Variants in SOX30 observed in about 807,000 individuals in gnomAD.
The protein encoded by SOX30 is transcription factor SOX-30.
A neutral mutation model predicts 58.6 loss-of-function variants in SOX30; 17 were observed. The observed-to-expected ratio is 0.29, with a 90% CI of 0.20 to 0.44. The LOEUF is 0.44. SOX30 is among the 20% of genes least tolerant of loss of function. The pLI, the probability that SOX30 is intolerant of heterozygous loss-of-function variation, is 1.00. For missense variants in SOX30, 951 were observed against 965.8 expected (o/e 0.98, Z 0.20); for synonymous variants, 421 against 400.2 (o/e 1.05, Z -0.62).
intron 2 of SOX30, among the ~76,000 whole-genome samples, chr5:157,661,217 T>C (rs543630815): frequency 1.6e-4 from 24 of 152,360 alleles, no homozygotes; most frequent in Non-Finnish European, 2.5e-4. Flanking sequence ...CACCCAGTCT[T>C]AGGAAGAAAG....
At chr5:157,632,558 C>T (rs1221638683) in intron 4 of SOX30, among the ~76,000 whole-genome samples, 1 of 151,524 alleles carries the variant, frequency 6.6e-6, no homozygotes, top group African/African-American at 2.4e-5. Flanking sequence ...TGCAGTGAGC[C>T]GAGATCGTGG....
At chr5:157,663,915 G>A (rs1759620738) in intron 2 of SOX30, among the ~76,000 whole-genome samples, 1 of 152,040 alleles carries the variant, frequency 6.6e-6, no homozygotes, top group Admixed American at 6.6e-5. Flanking sequence ...CCTCTTTAAG[G>A]AGAACTACAA....
intron 4 of SOX30, among the ~76,000 whole-genome samples, chr5:157,633,441 T>TG (rs1204762693): frequency 6.6e-6 from 1 of 152,276 alleles, no homozygotes; most frequent in African/African-American, 2.4e-5. Context: ...TGGCACATGG[T>TG]GAGTTCCTTG....
intron 4 of SOX30, among the ~76,000 whole-genome samples, chr5:157,629,146 T>C (rs1758729953): frequency 6.6e-6 from 1 of 152,198 alleles, no homozygotes; most frequent in Admixed American, 6.5e-5. Context: ...AAAGTAGCTA[T>C]AAGAGAGGAC....
chr5:157,643,101 GACAACAACAACA>G (rs200189852), intron 3 of SOX30, among the ~76,000 whole-genome samples: 2 of 149,826 alleles, frequency 1.3e-5, no homozygotes, highest in Non-Finnish European at 3.0e-5. Flanking sequence ...GAAGAAAACG[GACAACAACAACA>G]ACAACAACAA....
At chr5:157,631,839 T>G (rs928661705) in intron 4 of SOX30, among the ~76,000 whole-genome samples, 5 of 150,246 alleles carry the variant, frequency 3.3e-5, no homozygotes, top group Admixed American at 2.0e-4. Flanking sequence ...GCCAGGAGTT[T>G]GAAAACAGCC....
chr5:157,646,395 C>G (rs1168713947), intron 3 of SOX30, among the ~76,000 whole-genome samples: 1 of 152,146 alleles, frequency 6.6e-6, no homozygotes, highest in Non-Finnish European at 1.5e-5. Context: ...TGGGCTCATC[C>G]TGATTTGCTT....
chr5:157,635,516 C>T (rs886919654), intron 4 of SOX30, among the ~76,000 whole-genome samples: 5 of 151,778 alleles, frequency 3.3e-5, no homozygotes, highest in South Asian at 2.1e-4. Context: ...CCCAGCTACT[C>T]GGGAGGCTGA....
At chr5:157,666,478 GACACACACACACAC>G (rs375835461) in intron 2 of SOX30, among the ~76,000 whole-genome samples, 3,441 of 132,518 alleles carry the variant, frequency 0.026, 110 homozygotes, top group African/African-American at 0.076. Flanking sequence ...TAGTCCAGTA[GACACACACACACAC>G]ACACACACAC....
In SOX30 at chr5:157,630,848, ATATAT is replaced by A. The variant is rs1246182038; in HGVS notation, c.1881-4132_1881-4128del. ...TCCCATTTATATATATACATTATAT[ATATAT>A]TATATATTTTTATATATATATATAC... is the stretch of plus-strand genomic sequence containing the variant. On this transcript the variant is annotated intron_variant, in intron 4 of 4. Coordinates refer to ENST00000265007, the MANE Select transcript of SOX30 (RefSeq NM_178424.2). Among the ~76,000 whole-genome samples the A allele has an allele frequency of 3.2e-5, 4 of 126,214 alleles. No homozygotes were observed. The South Asian group carries it at 9.1e-4, about 29-fold the overall frequency. The allele number at this position is 126,214 out of a possible 152,430, so 82.8% of individuals were successfully genotyped here.
At chr5:157,628,997 C>A (rs1024796046) in intron 4 of SOX30, among the ~76,000 whole-genome samples, 12 of 152,138 alleles carry the variant, frequency 7.9e-5, no homozygotes, top group Non-Finnish European at 1.8e-4. Flanking sequence ...TCTCTCTATC[C>A]ATTGAATTCC....
Position 157,651,486 on chromosome 5 carries a change from C to T in SOX30, c.593G>A (p.Gly198Asp). 1 of 1,613,462 alleles carries T rather than the reference C, an allele frequency of 6.2e-7. No homozygotes were observed. The highest frequency in any genetic ancestry group is 8.5e-7 in the Non-Finnish European group (1 of 1,180,018). ...GGCTGCCGGGCTTTTGCCTGCCCCG[C>T]CTTGCATCGAGTCTCTCATGACCTC... Reference protein sequence around the residue: ...AEEVMRDSMQGGAGKSPAAIR... With the variant: ...AEEVMRDSMQDGAGKSPAAIR... The change falls in exon 1 of 5, where the codon GGC (glycine) becomes GAC (aspartate). Residue 198 changes from glycine (G) to aspartate (D), a missense_variant. This residue lies in a region of SOX30 where 363 missense variants were observed against 294.5 expected (regional missense o/e 1.23). Coordinates refer to ENST00000265007, the MANE Select transcript of SOX30 (RefSeq NM_178424.2).
At chr5:157,640,593 G>A (rs1403926398) in intron 3 of SOX30, among the ~76,000 whole-genome samples, 3 of 152,018 alleles carry the variant, frequency 2.0e-5, no homozygotes, top group African/African-American at 7.3e-5. Flanking sequence ...AAGATAAGCA[G>A]CATTCCACCA....
chr5:157,638,807 T>C lies in SOX30; in HGVS notation c.1388-85A>G, dbSNP rs1758994184. On this transcript the variant is annotated intron_variant, in intron 3 of 4. Coordinates refer to ENST00000265007, the MANE Select transcript of SOX30 (RefSeq NM_178424.2). The stretch of plus-strand genomic sequence containing the variant: ...TTTCAGTAAAGTTTAATAAATTGTA[T>C]AAGCAGAGGCCTTCATCAATCACCT... 3.7e-6 allele frequency: 5 copies of C among 1,348,570 alleles called. No individual in the cohort carries two copies. In the South Asian group the frequency reaches 4.3e-5, roughly 11 times the overall value. 83.5% of individuals were successfully genotyped at this position (1,348,570 alleles called of 1,614,324 possible).
chr5:157,645,747 G>A (rs1581397494), intron 3 of SOX30, among the ~76,000 whole-genome samples: 1 of 152,052 alleles, frequency 6.6e-6, no homozygotes, highest in South Asian at 2.1e-4. Flanking sequence ...GGGGCCAGGC[G>A]TGGTGGCTCA....
At chr5:157,670,186 T>C (rs1759750796) in intron 1 of SOX30, among the ~76,000 whole-genome samples, 1 of 152,190 alleles carries the variant, frequency 6.6e-6, no homozygotes, top group Admixed American at 6.5e-5. Context: ...ACAATGCTCT[T>C]GAGGGTAAGG....
chr5:157,648,968 G>T (rs1326088552), intron 1 of SOX30, 72 bp from the exon 2 acceptor site: 4 of 1,516,944 alleles, frequency 2.6e-6, no homozygotes, highest in Middle Eastern at 1.8e-4. Context: ...AAGGTAAAGT[G>T]CACCTCCGTC....
chr5:157,667,275 T>A (rs1436731134), intron 2 of SOX30, among the ~76,000 whole-genome samples: 2 of 152,200 alleles, frequency 1.3e-5, no homozygotes, highest in African/African-American at 4.8e-5. Flanking sequence ...GTGCCTGAAG[T>A]TCTATGATGG....
At chr5:157,667,789 C>CAT in intron 2 of SOX30, 3 of 1,517,686 alleles carry the variant, frequency 2.0e-6, no homozygotes, top group Non-Finnish European at 2.6e-6. Flanking sequence ...CACACACACA[C>CAT]ATACAAACCT....
Sources: allele counts gnomAD v4.1 joint callset (sites outside exome capture counted in the v4.1 genomes callset), GRCh38; gene constraint gnomAD v4.1.1; regional missense constraint gnomAD v4.1.1; transcripts MANE v1.5; gene names NCBI Gene and HGNC (gene_info 2026-07-23, HGNC 2026-07-21).